Variants in TPO observed in about 807,000 individuals in gnomAD.
The protein encoded by TPO is thyroid microsomal antigen.
Under a neutral mutation model 96.9 loss-of-function variants are expected in TPO, and 78 were observed. The observed-to-expected ratio is 0.81, with a 90% confidence interval of 0.67 to 0.97. The LOEUF is 0.97. Among genes scored for constraint, TPO ranks in the 50% least tolerant of loss-of-function variants. The pLI is 0.00. For missense variants in TPO, 1,252 were observed against 1,274.8 expected (o/e 0.98, Z 0.27); for synonymous variants, 547 against 538.0 (o/e 1.02, Z -0.23).
At chr2:1,542,265 C>CCTCCAGCATGACAAGCAAGAAGGA in intron 16 of TPO, 156 bp from the exon 17 acceptor site, 1 of 1,057,258 alleles carries the variant, frequency 9.5e-7, no homozygotes, top group South Asian at 1.4e-5. Context: ...CAGAAACTTC[C>CCTCCAGCATGACAAGCAAGAAGGA]CTCCAGCATG....
At chr2:1,523,141 T>C (rs1239888024) in intron 15 of TPO, among the ~76,000 whole-genome samples, 1 of 139,556 alleles carries the variant, frequency 7.2e-6, no homozygotes, top group African/African-American at 2.7e-5. Flanking sequence ...CCCCACCCTG[T>C]GCATCCTCCC....
At chr2:1,449,438 A>T (rs190631063) in intron 5 of TPO, among the ~76,000 whole-genome samples, 1 of 152,278 alleles carries the variant, frequency 6.6e-6, no homozygotes, top group East Asian at 1.9e-4. Flanking sequence ...ATTATCCAGC[A>T]GGGAGAGACC....
chr2:1,483,624 T>C (rs80042502), intron 8 of TPO, among the ~76,000 whole-genome samples: 2,673 of 152,290 alleles, frequency 0.018, 79 homozygotes, highest in African/African-American at 0.061. Flanking sequence ...CTCTCTGGGA[T>C]GCTGACCCAT....
intron 7 of TPO, among the ~76,000 whole-genome samples, chr2:1,467,320 G>A (rs770239626): frequency 5.3e-5 from 8 of 152,048 alleles, no homozygotes; most frequent in Non-Finnish European, 1.0e-4. Flanking sequence ...GGCCAGACTG[G>A]TCTTGAATTC....
chr2:1,540,517 G>T (rs539853236), intron 15 of TPO, 77 bp from the exon 16 acceptor site: 24 of 1,601,774 alleles, frequency 1.5e-5, no homozygotes, highest in Non-Finnish European at 2.0e-5. Flanking sequence ...CCTTGCCGTC[G>T]CTCGTGCCGT....
intron 1 of TPO, among the ~76,000 whole-genome samples, chr2:1,400,568 C>CAAA (rs34242408): frequency 0.011 from 801 of 70,874 alleles, 10 homozygotes; most frequent in Middle Eastern, 0.021. Flanking sequence ...GACTCTGTCT[C>CAAA]AAAAAAAAAA....
chr2:1,378,605 G>A (rs961611495), intron 1 of TPO, among the ~76,000 whole-genome samples: 1 of 152,212 alleles, frequency 6.6e-6, no homozygotes, highest in Non-Finnish European at 1.5e-5. Context: ...CCCAGGCTCG[G>A]CCAGGGCTGG....
intron 9 of TPO, among the ~76,000 whole-genome samples, chr2:1,485,969 C>T (rs970966170): frequency 3.3e-5 from 5 of 152,152 alleles, no homozygotes; most frequent in African/African-American, 1.2e-4. Context: ...TCATGAAGTC[C>T]TTGCCCATGC....
intron 1 of TPO, among the ~76,000 whole-genome samples, chr2:1,375,434 C>T (rs71440650): frequency 0.035 from 5,371 of 152,098 alleles, 129 homozygotes; most frequent in Non-Finnish European, 0.049. Flanking sequence ...TGACCCGAGC[C>T]TTTTCCAAAG....
chr2:1,477,246 C>A lies in TPO; in HGVS notation c.980C>A (p.Ser327Tyr). 1 of 1,608,104 alleles carries A rather than the reference C, an allele frequency of 6.2e-7. No homozygotes were observed. The highest frequency in any genetic ancestry group is 8.5e-7 in the Non-Finnish European group (1 of 1,178,310). Residue 327 changes from serine to tyrosine, a missense_variant, in exon 8 of 17, where the codon TCC becomes TAC. By Grantham distance (144) the Ser-to-Tyr change is moderately radical. Transcript: ENST00000329066. Reference protein sequence around the residue: ...MNGLTSFLDASTVYGSSPALE... With the variant: ...MNGLTSFLDAYTVYGSSPALE... ...GGGTTGACCTCGTTCCTGGACGCGT[C>A]CACCGTGTATGGCAGCTCCCCGGCC...
In TPO at chr2:1,477,347, C is replaced by A. The variant is rs1670057992; in HGVS notation, c.1081C>A (p.Arg361Ser). 6.5e-7 allele frequency: 1 copy of A among 1,549,180 alleles called. No individual in the cohort carries two copies. The highest frequency in any genetic ancestry group is 1.2e-5 in the South Asian group (1 of 84,536). Residue 361 changes from arginine (R) to serine (S), a missense_variant, in exon 8 of 17, where the codon CGC becomes AGC. By Grantham distance (110) the Arg-to-Ser change is moderately radical. Coordinates refer to ENST00000329066, the MANE Select transcript of TPO (RefSeq NM_001206744.2). ...CCACGCGCGCCTCCGGGACTCCGGC[C>A]GCGCCTACCTGCCCTTCGTGCCGCC... ...RVHARLRDSG[R>S]AYLPFVPPRA...
chr2:1,421,059 G>A lies in TPO; in HGVS notation c.95-1986G>A, dbSNP rs28910004. 7.0e-4 allele frequency among the ~76,000 whole-genome samples: 106 copies of A among 151,910 alleles called. 1 individual carries two copies. In the East Asian group the frequency reaches 0.018, roughly 26 times the overall value. On this transcript the variant is annotated intron_variant, in intron 2 of 16. Transcript: ENST00000329066. ...GGACCAAAGGAGGGTGAGAGGAGAG[G>A]GCAAAGATCAGAGGAGCCAGAAATG...
At chr2:1,522,132 C>A (rs1489980312) in intron 15 of TPO, among the ~76,000 whole-genome samples, 1 of 131,690 alleles carries the variant, frequency 7.6e-6, no homozygotes, top group Non-Finnish European at 1.7e-5. Flanking sequence ...ACCGGCCCTG[C>A]CACCGTGCCC....
At chr2:1,446,123 C>T (rs1666788123) in intron 5 of TPO, among the ~76,000 whole-genome samples, 1 of 152,130 alleles carries the variant, frequency 6.6e-6, no homozygotes, top group Non-Finnish European at 1.5e-5. Context: ...AGATGAGAAG[C>T]CCCCAGGTGC....
chr2:1,540,898 G>C (rs1404013396), intron 16 of TPO, 175 bp downstream of exon 16: 3 of 1,546,040 alleles, frequency 1.9e-6, no homozygotes, highest in East Asian at 2.5e-5. Flanking sequence ...CAGTGAGCCA[G>C]AATGTGAGCC....
At chr2:1,469,834 G>C (rs1669227194) in intron 7 of TPO, among the ~76,000 whole-genome samples, 1 of 152,124 alleles carries the variant, frequency 6.6e-6, no homozygotes, top group Non-Finnish European at 1.5e-5. Context: ...AGTCCTGCAG[G>C]AGCCATCCGC....
At chr2:1,415,932 A>T (rs1036493333) in intron 2 of TPO, among the ~76,000 whole-genome samples, 30 of 152,060 alleles carry the variant, frequency 2.0e-4, no homozygotes, top group African/African-American at 6.3e-4. Flanking sequence ...TCCTTAAAAA[A>T]ACTCTCCCTC....
intron 11 of TPO, 150 bp from the exon 12 acceptor site, chr2:1,495,839 G>T: frequency 2.4e-6 from 2 of 843,514 alleles, no homozygotes; most frequent in South Asian, 1.6e-5. Context: ...GGTCCTCAGC[G>T]CCTGCACCTG....
chr2:1,453,833 C>T lies in TPO; in HGVS notation c.612+10C>T, dbSNP rs1364811644. On this transcript the variant is annotated intron_variant, in intron 6 of 16. Coordinates refer to ENST00000329066, the MANE Select transcript of TPO (RefSeq NM_001206744.2). Reference sequence around the variant, plus strand: ...GTTCCCACTGCCCCCGGTGGGTACTCAGAACGCTACTATCCTGGACTAAGA... The same window carrying T: ...GTTCCCACTGCCCCCGGTGGGTACTTAGAACGCTACTATCCTGGACTAAGA... 2 of 1,613,616 alleles carry T rather than the reference C, an allele frequency of 1.2e-6. No individual in the cohort carries two copies. The highest frequency in any genetic ancestry group is 2.2e-5 in the East Asian group (1 of 44,868).
Sources: gnomAD v4.1 joint callset for allele counts (sites outside exome capture counted in the v4.1 genomes callset) on GRCh38, gnomAD v4.1.1 for gene constraint, MANE v1.5 for transcripts, NCBI Gene and HGNC (gene_info 2026-07-23, HGNC 2026-07-21) for gene names.